The following RFX2 variants were observed in gnomAD, a reference collection of about 807,000 sequenced individuals.
RFX2 encodes the protein DNA-binding protein RFX2.
RFX2 carries 20 observed loss-of-function variants against 87.8 expected under a neutral mutation model. That is an observed-to-expected ratio of 0.23 (90% CI 0.16 to 0.33). RFX2 has a LOEUF of 0.33. RFX2 is among the 10% of genes least tolerant of loss of function. RFX2 has a pLI of 1.00. For synonymous variants in RFX2, 397 were observed against 431.3 expected, an observed-to-expected ratio of 0.92 and a Z score of 0.98; for missense variants, 767 against 1,012.3, an observed-to-expected ratio of 0.76 and a Z score of 3.29.
At chr19:6,041,486 T>A (rs1383421476) in intron 4 of RFX2, among the ~76,000 whole-genome samples, 1 of 152,038 alleles carries the variant, frequency 6.6e-6, no homozygotes, top group Non-Finnish European at 1.5e-5. Context: ...ACATGGAAAA[T>A]CAAGTTCTAT....
At chr19:6,043,659 C>G (rs2087144425) in intron 3 of RFX2, among the ~76,000 whole-genome samples, 1 of 152,240 alleles carries the variant, frequency 6.6e-6, no homozygotes, top group African/African-American at 2.4e-5. Flanking sequence ...ACTGCCTGGA[C>G]CACAAACCCC....
intron 1 of RFX2, among the ~76,000 whole-genome samples, chr19:6,097,617 GTCTCACCC>G (rs2088048744): frequency 2.0e-5 from 3 of 151,970 alleles, no homozygotes. Flanking sequence ...TTAGAGACAG[GTCTCACCC>G]TCTCACCCAG....
At chr19:6,092,496 A>C (rs1419552917) in intron 1 of RFX2, among the ~76,000 whole-genome samples, 1 of 152,168 alleles carries the variant, frequency 6.6e-6, no homozygotes, top group African/African-American at 2.4e-5. Context: ...GTCCAGAGGG[A>C]ATTCAGAGGG....
intron 1 of RFX2, among the ~76,000 whole-genome samples, chr19:6,090,122 T>C (rs1057313256): frequency 3.9e-5 from 6 of 151,994 alleles, no homozygotes; most frequent in African/African-American, 1.5e-4. Context: ...CCACCACACC[T>C]GGCTATTTTT....
At chr19:6,073,808 A>G (rs1449485057) in intron 1 of RFX2, among the ~76,000 whole-genome samples, 1 of 152,182 alleles carries the variant, frequency 6.6e-6, no homozygotes, top group Admixed American at 6.5e-5. Context: ...GGCTAATACC[A>G]GTAATTTGGG....
At chr19:6,060,194 C>G (rs77294189) in intron 1 of RFX2, among the ~76,000 whole-genome samples, 4,167 of 152,308 alleles carry the variant, frequency 0.027, 159 homozygotes, top group African/African-American at 0.081. Context: ...GACCTCCCCC[C>G]ACTATCTCAC....
Position 6,007,066 on chromosome 19 carries a change from G to A in RFX2, c.1348C>T (p.Leu450Phe), listed in dbSNP as rs746911507. Residue 450 changes from leucine (L) to phenylalanine (F), a missense_variant, in exon 12 of 18, where the codon CTC becomes TTC. By Grantham distance (22) the Leu-to-Phe change is conservative. Coordinates refer to ENST00000303657, the MANE Select transcript of RFX2 (RefSeq NM_000635.4). The surrounding 1 kb of genome is among the most constrained non-coding windows in gnomAD (Gnocchi z 8.2). ...LRWMRSCDHI[L>F]YQALVEILIP... ...AGAATCTCCACCAGCGCCTGGTAGA[G>A]GATGTGGTCGCAGCTCCTCATCCAC... 4 of 1,614,162 alleles carry A rather than the reference G, an allele frequency of 2.5e-6. No individual in the cohort carries two copies. Among genetic ancestry groups the A allele is most frequent in the South Asian group, 2.2e-5 (2 of 91,086 alleles).
rs1052141368 is a variant in RFX2, at chr19:6,011,445, G to C, written c.900-1194C>G. The stretch of plus-strand genomic sequence containing the variant: ...GGAGGCGGGAGACCATGCTGGCGAG[G>C]TGTGTGTAAACCACCTGGCTCAGGG... On this transcript the variant is annotated intron_variant, in intron 8 of 17. Coordinates refer to ENST00000303657, the MANE Select transcript of RFX2 (RefSeq NM_000635.4). This position sits in a 1 kb window ranked among gnomAD's most constrained non-coding sequence, Gnocchi z 4.8. Among the ~76,000 whole-genome samples, 4 of 152,234 alleles carry C rather than the reference G, an allele frequency of 2.6e-5. No homozygotes were observed. Among genetic ancestry groups the C allele is most frequent in the Non-Finnish European group, 5.9e-5 (4 of 68,036 alleles).
chr19:6,077,600 C>G (rs1015902286), intron 1 of RFX2, among the ~76,000 whole-genome samples: 1 of 152,208 alleles, frequency 6.6e-6, no homozygotes, highest in Admixed American at 6.5e-5. Flanking sequence ...CATGGCCACA[C>G]AAATGCTTGG....
intron 1 of RFX2, chr19:6,048,988 C>A (rs1451310892): frequency 1.3e-5 from 2 of 151,806 alleles, no homozygotes; most frequent in African/African-American, 4.8e-5. Context: ...CACTAGATGG[C>A]CCCAGAGCCA....
At position 6,074,767 on chromosome 19, in the gene RFX2, T is replaced by C. The variant is rs763621882; in HGVS notation, c.-8-27263A>G. On this transcript the variant is annotated intron_variant, in intron 1 of 17. Coordinates refer to ENST00000303657, the MANE Select transcript of RFX2 (RefSeq NM_000635.4). The surrounding 1 kb of genome is among the most constrained non-coding windows in gnomAD (Gnocchi z 5.2). ...CAGAGGCAGAGTGAGGTGAGGAAAG[T>C]GTCGCCGCTGAGAAGGCTCTGCCAG... Among the ~76,000 whole-genome samples the C allele has an allele frequency of 1.2e-4, 19 of 152,138 alleles. No individual in the cohort carries two copies. Among genetic ancestry groups the C allele is most frequent in the Non-Finnish European group, 2.5e-4 (17 of 68,030 alleles).
chr19:6,031,423 C>CTTTTTTTTTTTTTTTTTT (rs58834364), intron 5 of RFX2, among the ~76,000 whole-genome samples: 2 of 90,184 alleles, frequency 2.2e-5, no homozygotes, highest in Non-Finnish European at 3.9e-5. Context: ...TTCTCCTTCC[C>CTTTTTTTTTTTTTTTTTT]TTTTTTTTTT....
At chr19:6,088,999 T>C (rs2144877920) in intron 1 of RFX2, among the ~76,000 whole-genome samples, 1 of 152,330 alleles carries the variant, frequency 6.6e-6, no homozygotes, top group East Asian at 1.9e-4. Flanking sequence ...CAGATAATTT[T>C]GTATGTCCTA....
At chr19:6,106,512 T>G (rs544801130) in intron 1 of RFX2, among the ~76,000 whole-genome samples, 1 of 152,362 alleles carries the variant, frequency 6.6e-6, no homozygotes, top group East Asian at 1.9e-4. Flanking sequence ...TGAATTGACA[T>G]GAAGTTACTT....
intron 1 of RFX2, among the ~76,000 whole-genome samples, chr19:6,100,773 C>G (rs1280920461): frequency 6.6e-6 from 1 of 150,974 alleles, no homozygotes; most frequent in African/African-American, 2.5e-5. Flanking sequence ...TGCTGAGTCT[C>G]TCCAATGAGC....
At chr19:6,003,815 CT>C (rs1466560573) in intron 13 of RFX2, among the ~76,000 whole-genome samples, 4 of 136,184 alleles carry the variant, frequency 2.9e-5, no homozygotes, top group African/African-American at 1.1e-4. Context: ...AAAAGAAATG[CT>C]TGTGAGAACG....
rs760370540 is a variant in RFX2 at position 6,074,694 on chromosome 19, G to A, written c.-8-27190C>T. The stretch of plus-strand genomic sequence containing the variant: ...AAATACACTCAAATGCACAAGTGGA[G>A]TGCGGCATGGGCCAGGGGCAACAAG... On this transcript the variant is annotated intron_variant, in intron 1 of 17. Transcript: ENST00000303657. This position sits in a 1 kb window ranked among gnomAD's most constrained non-coding sequence, Gnocchi z 5.2. Among the ~76,000 whole-genome samples the A allele has an allele frequency of 6.6e-6, 1 of 152,176 alleles. No homozygotes were observed. The highest frequency in any genetic ancestry group is 6.5e-5 in the Admixed American group (1 of 15,290).
At chr19:6,084,715 A>G (rs966217059) in intron 1 of RFX2, among the ~76,000 whole-genome samples, 1 of 149,578 alleles carries the variant, frequency 6.7e-6, no homozygotes, top group East Asian at 1.9e-4. Context: ...GCTCTCTGCA[A>G]CCTCTGCCTC....
chr19:6,053,161 CAGA>C (rs2087287427), intron 1 of RFX2, among the ~76,000 whole-genome samples: 1 of 151,890 alleles, frequency 6.6e-6, no homozygotes, highest in South Asian at 2.1e-4. Flanking sequence ...GAAATTTTTT[CAGA>C]AGAAGAAAGG....
Sources: gnomAD v4.1 joint callset for allele counts (sites outside exome capture counted in the v4.1 genomes callset) on GRCh38, gnomAD v4.1.1 for gene constraint, Gnocchi (gnomAD v3.1) non-coding constraint, MANE v1.5 for transcripts, NCBI Gene and HGNC (gene_info 2026-07-23, HGNC 2026-07-21) for gene names.